Variants in MTHFD1 observed in about 807,000 individuals in gnomAD.
MTHFD1 encodes C-1-tetrahydrofolate synthase, cytoplasmic.
Under a neutral mutation model 110.3 loss-of-function variants are expected in MTHFD1, and 44 were observed. The ratio of observed to expected loss-of-function variants is 0.40; its 90% CI spans 0.31 to 0.51. The LOEUF is 0.51. MTHFD1 is among the 20% of genes least tolerant of loss of function. The probability of loss-of-function intolerance (pLI) is 0.60; values close to 1 mark genes in which losing one functional copy is unlikely to be tolerated. For synonymous variants in MTHFD1, 402 were observed against 428.8 expected, an observed-to-expected ratio of 0.94 and a Z score of 0.77; for missense variants, 909 against 1,173.1, an observed-to-expected ratio of 0.77 and a Z score of 3.29.
intron 26 of MTHFD1, 136 bp from the exon 27 acceptor site, chr14:64,458,078 T>TG (rs1044258186): frequency 2.0e-4 from 156 of 764,600 alleles, no homozygotes; most frequent in South Asian, 1.8e-3. Context: ...CCTGTAGAGA[T>TG]GGGGGTCTCA....
At chr14:64,397,356 G>T (rs571531097) in intron 1 of MTHFD1, among the ~76,000 whole-genome samples, 1 of 149,464 alleles carries the variant, frequency 6.7e-6, no homozygotes, top group Non-Finnish European at 1.5e-5. Flanking sequence ...GCAGTGGCGC[G>T]ATCTCTGCTC....
At chr14:64,435,804 GGTGA>G (rs2078202061) in intron 16 of MTHFD1, 133 bp downstream of exon 16, 2 of 702,536 alleles carry the variant, frequency 2.8e-6, no homozygotes, top group South Asian at 3.0e-5. Flanking sequence ...TGACCAAGAT[GGTGA>G]CATTATTTCT....
At chr14:64,410,386 C>G (rs371154644) in intron 2 of MTHFD1, among the ~76,000 whole-genome samples, 24 of 125,690 alleles carry the variant, frequency 1.9e-4, no homozygotes, top group African/African-American at 7.4e-4. Flanking sequence ...ACCACTATGC[C>G]TGGCTAATTT....
chr14:64,422,786 A>G (rs939755678), intron 8 of MTHFD1: 4 of 152,096 alleles, frequency 2.6e-5, no homozygotes, highest in Admixed American at 6.6e-5. Flanking sequence ...AGATAACCAA[A>G]AGGTTTGCTC....
intron 1 of MTHFD1, among the ~76,000 whole-genome samples, chr14:64,392,075 A>T (rs138776134): frequency 6.1e-4 from 93 of 152,326 alleles, no homozygotes; most frequent in African/African-American, 2.1e-3. Context: ...TGTAAAAGTG[A>T]CTTACGGGCA....
chr14:64,411,378 A>G (rs575424378), intron 3 of MTHFD1, among the ~76,000 whole-genome samples: 27 of 152,348 alleles, frequency 1.8e-4, no homozygotes, highest in African/African-American at 5.0e-4. Context: ...CAGGATGTCA[A>G]TTGAGGAAAG....
At chr14:64,412,602 G>C (rs2140954060) in intron 4 of MTHFD1, 77 bp downstream of exon 4, 1 of 1,108,842 alleles carries the variant, frequency 9.0e-7, no homozygotes, top group South Asian at 1.2e-5. Flanking sequence ...GGGGGCTTTG[G>C]GGACTGACAC....
chr14:64,426,502 G>T (rs1566565137), intron 11 of MTHFD1, among the ~76,000 whole-genome samples: 1 of 152,080 alleles, frequency 6.6e-6, no homozygotes, highest in Non-Finnish European at 1.5e-5. Context: ...ACAGAGTCTC[G>T]CTCTGTTGCC....
intron 1 of MTHFD1, among the ~76,000 whole-genome samples, chr14:64,397,168 TATATATATATATATATATATATAAAA>T (rs2077861214): frequency 1.1e-4 from 2 of 18,788 alleles, no homozygotes; most frequent in Non-Finnish European, 1.9e-4. Context: ...TATATATATA[TATATATATATATATATATATATAAAA>T]AACAGTAATC....
intron 2 of MTHFD1, among the ~76,000 whole-genome samples, chr14:64,404,995 A>G (rs1044085675): frequency 6.6e-6 from 1 of 152,122 alleles, no homozygotes; most frequent in African/African-American, 2.4e-5. Flanking sequence ...AATAGTACTT[A>G]AATATTCCCC....
chr14:64,459,176 C>T (rs1318702400), intron 27 of MTHFD1, among the ~76,000 whole-genome samples: 1 of 152,178 alleles, frequency 6.6e-6, no homozygotes, highest in Non-Finnish European at 1.5e-5. Flanking sequence ...TGCCACCCCA[C>T]ATCTCTTCCT....
intron 22 of MTHFD1, chr14:64,445,103 C>T (rs945187598): frequency 2.8e-6 from 1 of 359,208 alleles, no homozygotes; most frequent in African/African-American, 2.1e-5. Context: ...GGCTAAACAT[C>T]CTTTAATGCA....
intron 22 of MTHFD1, 171 bp from the exon 23 acceptor site, chr14:64,448,046 C>G (rs972233407): frequency 1.5e-6 from 1 of 655,346 alleles, no homozygotes; most frequent in East Asian, 2.8e-5. Flanking sequence ...CCATAGCATC[C>G]ACTCACCGCA....
chr14:64,391,108 C>T (rs1367479339), intron 1 of MTHFD1, among the ~76,000 whole-genome samples: 1 of 152,210 alleles, frequency 6.6e-6, no homozygotes, highest in Non-Finnish European at 1.5e-5. Flanking sequence ...TCATTCTAAC[C>T]AGCACTTACT....
In MTHFD1 at chr14:64,397,651, G is replaced by A. The variant is rs190328029; in HGVS notation, c.42-3142G>A. 3.8e-3 allele frequency among the ~76,000 whole-genome samples: 580 copies of A among 152,248 alleles called. 12 individuals are homozygous for A. Among genetic ancestry groups the A allele is most frequent in the Admixed American group, 0.031 (476 of 15,294 alleles). Reference sequence around the variant, plus strand: ...CTTCTTCTCTGATCAGTTACTAAAAGTGTTTTCCCTGTGCCATTTGAGAAT... The same window carrying A: ...CTTCTTCTCTGATCAGTTACTAAAAATGTTTTCCCTGTGCCATTTGAGAAT... On this transcript the variant is annotated intron_variant, in intron 1 of 27. Coordinates refer to ENST00000652337, the MANE Select transcript of MTHFD1 (RefSeq NM_005956.4).
intron 8 of MTHFD1, among the ~76,000 whole-genome samples, chr14:64,421,470 G>A (rs1027732210): frequency 1.7e-4 from 26 of 152,148 alleles, no homozygotes; most frequent in African/African-American, 4.3e-4. Context: ...TCTCCCTACC[G>A]TGCTTTTAAG....
At chr14:64,402,168 T>G (rs535023728) in intron 2 of MTHFD1, among the ~76,000 whole-genome samples, 16 of 152,260 alleles carry the variant, frequency 1.1e-4, no homozygotes, top group Non-Finnish European at 2.1e-4. Context: ...TTGCACACTT[T>G]GTTACATCAA....
At chr14:64,447,841 A>C (rs1344710131) in intron 22 of MTHFD1, among the ~76,000 whole-genome samples, 1 of 152,178 alleles carries the variant, frequency 6.6e-6, no homozygotes, top group Non-Finnish European at 1.5e-5. Flanking sequence ...TCATAACCCT[A>C]TGAATACATA....
intron 22 of MTHFD1, among the ~76,000 whole-genome samples, chr14:64,446,104 G>A (rs540908690): frequency 2.6e-5 from 4 of 152,166 alleles, no homozygotes; most frequent in Admixed American, 6.5e-5. Flanking sequence ...AATATTTAAT[G>A]TATTGTTAAG....
Sources: gnomAD v4.1 joint callset for allele counts (sites outside exome capture counted in the v4.1 genomes callset) on GRCh38, gnomAD v4.1.1 for gene constraint, MANE v1.5 for transcripts, NCBI Gene and HGNC (gene_info 2026-07-23, HGNC 2026-07-21) for gene names.